The following PXYLP1 variants were observed in gnomAD, a reference collection of about 807,000 sequenced individuals.
The protein encoded by PXYLP1 is acid phosphatase-like 2.
A neutral mutation model predicts 37.9 loss-of-function variants in PXYLP1; 17 were observed. The ratio of observed to expected loss-of-function variants is 0.45; its 90% CI spans 0.31 to 0.67. PXYLP1 has a LOEUF of 0.67. Among genes scored for constraint, PXYLP1 ranks in the 30% least tolerant of loss-of-function variants. The probability of loss-of-function intolerance (pLI) is 0.07; values close to 1 mark genes in which losing one functional copy is unlikely to be tolerated. For missense variants in PXYLP1, 511 were observed against 612.0 expected (o/e 0.84, Z 1.74); for synonymous variants, 221 against 232.2 (o/e 0.95, Z 0.44).
At chr3:141,252,492 A>G (rs749654390) in intron 1 of PXYLP1, among the ~76,000 whole-genome samples, 12 of 152,122 alleles carry the variant, frequency 7.9e-5, no homozygotes, top group Non-Finnish European at 1.8e-4. Flanking sequence ...CAAGAGAGAG[A>G]AAGAGGAGGT....
intron 4 of PXYLP1, among the ~76,000 whole-genome samples, chr3:141,282,513 C>CACAG (rs1248170491): frequency 4.0e-5 from 6 of 151,682 alleles, no homozygotes; most frequent in African/African-American, 1.2e-4. Context: ...CACACACACA[C>CACAG]AGAGTGTTCA....
At chr3:141,262,478 A>T in intron 2 of PXYLP1, 1 of 724,440 alleles carries the variant, frequency 1.4e-6, no homozygotes, top group Non-Finnish European at 2.0e-6. Flanking sequence ...AATGTGTGTT[A>T]CTTGTGTTTG....
intron 1 of PXYLP1, among the ~76,000 whole-genome samples, chr3:141,248,719 G>GTA (rs775833116): frequency 3.1e-4 from 2 of 6,426 alleles, no homozygotes; most frequent in Non-Finnish European, 4.5e-4. Context: ...ATATACACAC[G>GTA]TATATACACA....
chr3:141,270,839 G>A (rs1423348927), intron 2 of PXYLP1, among the ~76,000 whole-genome samples: 1 of 152,150 alleles, frequency 6.6e-6, no homozygotes, highest in Non-Finnish European at 1.5e-5. Flanking sequence ...TTAAGAGCCT[G>A]CAGGAAACAG....
At chr3:141,272,995 A>G (rs1314289725) in intron 2 of PXYLP1, 4 of 985,228 alleles carry the variant, frequency 4.1e-6, no homozygotes, top group Non-Finnish European at 1.2e-6. Context: ...TAACTTCCCA[A>G]TATTTCCTTT....
intron 5 of PXYLP1, among the ~76,000 whole-genome samples, chr3:141,287,914 A>AT (rs1283529956): frequency 3.9e-5 from 6 of 152,226 alleles, no homozygotes; most frequent in Non-Finnish European, 8.8e-5. Context: ...TTCACTCTGG[A>AT]TGGGCAATTG....
chr3:141,266,366 G>A (rs973523958), intron 2 of PXYLP1, among the ~76,000 whole-genome samples: 2 of 152,220 alleles, frequency 1.3e-5, no homozygotes, highest in African/African-American at 4.8e-5. Flanking sequence ...ACCCTGGGTG[G>A]GGAGAGTGCT....
chr3:141,288,555 A>G (rs1206744193), intron 5 of PXYLP1, among the ~76,000 whole-genome samples: 1 of 152,226 alleles, frequency 6.6e-6, no homozygotes, highest in Non-Finnish European at 1.5e-5. Flanking sequence ...TTACACAATT[A>G]ACTATTTTGC....
intron 2 of PXYLP1, chr3:141,273,941 C>T: frequency 1.0e-6 from 1 of 985,580 alleles, no homozygotes; most frequent in African/African-American, 1.7e-5. Context: ...GTTTTCCCAC[C>T]TACATAATGA....
chr3:141,253,645 G>A (rs564893189), intron 1 of PXYLP1, among the ~76,000 whole-genome samples: 6 of 148,338 alleles, frequency 4.0e-5, no homozygotes, highest in African/African-American at 1.0e-4. Context: ...TACTTCCCTC[G>A]CCAGACTCTA....
At chr3:141,258,391 C>G (rs1941313775) in intron 1 of PXYLP1, 1 of 152,598 alleles carries the variant, frequency 6.6e-6, no homozygotes, top group Non-Finnish European at 1.5e-5. Flanking sequence ...CCCTCAAGCT[C>G]TTCCTTTCCA....
intron 4 of PXYLP1, among the ~76,000 whole-genome samples, chr3:141,281,708 G>A (rs1162047333): frequency 6.6e-6 from 1 of 152,220 alleles, no homozygotes; most frequent in Non-Finnish European, 1.5e-5. Context: ...AAAGGGACCA[G>A]AAAGGTGTGC....
rs570490485 is a variant in PXYLP1, at chr3:141,246,401, A to C, written c.-53-13722A>C. Among the ~76,000 whole-genome samples the C allele has an allele frequency of 1.4e-3, 211 of 152,284 alleles. 1 individual carries two copies. Among genetic ancestry groups the C allele is most frequent in the African/African-American group, 4.9e-3 (203 of 41,548 alleles). On this transcript the variant is annotated intron_variant, in intron 1 of 5. Coordinates refer to ENST00000286353, the MANE Select transcript of PXYLP1 (RefSeq NM_001037172.3). ...GTGCTGAGAAGTGTCATGGAGGAGA[A>C]ATACAGGGTAACTTGAGAGTGTGAG... is the stretch of plus-strand genomic sequence containing the variant.
intron 5 of PXYLP1, chr3:141,291,476 C>T (rs7634502): frequency 0.66 from 99,672 of 152,156 alleles, 33,761 homozygotes; most frequent in South Asian, 0.75. Flanking sequence ...CTCCGTCACC[C>T]CCAGGGAACC....
chr3:141,270,101 TG>T (rs1381707886), intron 2 of PXYLP1, among the ~76,000 whole-genome samples: 2 of 152,256 alleles, frequency 1.3e-5, no homozygotes, highest in African/African-American at 4.8e-5. Flanking sequence ...TGAACTCTGC[TG>T]GAGTTCTCCG....
intron 1 of PXYLP1, among the ~76,000 whole-genome samples, chr3:141,248,749 G>GTA (rs772983774): frequency 1.5e-4 from 1 of 6,590 alleles, no homozygotes; most frequent in East Asian, 7.0e-3. Flanking sequence ...ATATACACAC[G>GTA]TATATATATA....
At chr3:141,250,688 C>T (rs1014657895) in intron 1 of PXYLP1, among the ~76,000 whole-genome samples, 2 of 152,224 alleles carry the variant, frequency 1.3e-5, no homozygotes, top group Admixed American at 1.3e-4. Flanking sequence ...GCTGTGATGC[C>T]TGGCAGTGTG....
In PXYLP1 at chr3:141,279,446, C is replaced by T. The variant is rs748379587; in HGVS notation, c.307C>T (p.Leu103=). Residue 103 remains leucine (L), a synonymous_variant, in exon 4 of 6, where the codon CTG becomes TTG. Transcript: ENST00000286353. ...VFIRHGDRYP[L]YVIPKTKRPE... is the part of the protein sequence containing the mutation. ...CATTCGCCACGGAGACAGGTACCCA[C>T]TGTATGTCATTCCCAAAACAAAGCG... is the stretch of plus-strand genomic sequence containing the variant. 7 of 1,614,116 alleles carry T rather than the reference C, an allele frequency of 4.3e-6. No homozygotes were observed. The African/African-American group carries it at 8.0e-5, about 18-fold the overall frequency.
chr3:141,261,307 C>T (rs1325373204), intron 2 of PXYLP1, among the ~76,000 whole-genome samples: 1 of 152,208 alleles, frequency 6.6e-6, no homozygotes, highest in Non-Finnish European at 1.5e-5. Flanking sequence ...GCGTGCACCA[C>T]CACACCTAGC....
Sources: allele counts gnomAD v4.1 joint callset (sites outside exome capture counted in the v4.1 genomes callset), GRCh38; gene constraint gnomAD v4.1.1; transcripts MANE v1.5; gene names NCBI Gene and HGNC (gene_info 2026-07-23, HGNC 2026-07-21).